The following FBXO2 variants were observed in gnomAD, a reference collection of about 807,000 sequenced individuals.
The protein encoded by FBXO2 is F-box protein 2, also known as F-box only protein 2.
A neutral mutation model predicts 38.6 loss-of-function variants in FBXO2; 32 were observed. The observed-to-expected ratio is 0.83, with a 90% CI of 0.62 to 1.11. FBXO2 has a LOEUF of 1.11. FBXO2 is among the 50% of genes most tolerant of loss of function. The probability of loss-of-function intolerance (pLI) is 0.00; values close to 1 mark genes in which losing one functional copy is unlikely to be tolerated. For missense variants in FBXO2, 450 were observed against 418.3 expected, an observed-to-expected ratio of 1.08 and a Z score of -0.66; for synonymous variants, 189 against 182.9, an observed-to-expected ratio of 1.03 and a Z score of -0.27.
intron 5 of FBXO2, 22 bp downstream of exon 5, chr1:11,649,065 G>A (rs768455167): frequency 6.3e-5 from 95 of 1,517,096 alleles, no homozygotes; most frequent in Middle Eastern, 1.9e-4. Context: ...CCACCCCTCC[G>A]CCCTGGGTCC....
chr1:11,649,914 C>G (rs769717214), intron 3 of FBXO2, 31 bp downstream of exon 3: 3 of 1,613,842 alleles, frequency 1.9e-6, no homozygotes, highest in Non-Finnish European at 2.5e-6. Flanking sequence ...ACGCTCCCCC[C>G]TTCCCACCTC....
At position 11,648,642 on chromosome 1, in the gene FBXO2, C is replaced by T. The variant is rs775867348; in HGVS notation, c.*52G>A. On this transcript the variant is annotated 3_prime_UTR_variant, in exon 6 of 6. Coordinates refer to ENST00000354287, the MANE Select transcript of FBXO2 (RefSeq NM_012168.6). This position sits in a 1 kb window ranked among gnomAD's most constrained non-coding sequence, Gnocchi z 4.2. ...TATGGACTAAGTTAAGGCCTATCTA[C>T]CCTCGACCTTTGCCCCTCCAGGCAG... The T allele has an allele frequency of 2.5e-6, 4 of 1,603,396 alleles. No individual in the cohort carries two copies. Among genetic ancestry groups the T allele is most frequent in the South Asian group, 2.2e-5 (2 of 90,622 alleles).
rs987764960 is a variant in FBXO2 at position 11,654,268 on chromosome 1, C to T, written c.22+51G>A. ...CGCCCCTCTGTGCAGCGCTCGCCCG[C>T]CGACCCCATCTCCCCTCCCCGCCGC... On this transcript the variant is annotated intron_variant, in intron 1 of 5. Transcript: ENST00000354287. 34 of 1,486,658 alleles carry T rather than the reference C, an allele frequency of 2.3e-5. No homozygotes were observed. In the Admixed American group the frequency reaches 6.0e-4, roughly 26 times the overall value. The allele number at this position is 1,486,658 out of a possible 1,614,324, so 92.1% of individuals were successfully genotyped here.
At chr1:11,649,626 C>T in intron 4 of FBXO2, 153 bp downstream of exon 4, 2 of 701,154 alleles carry the variant, frequency 2.9e-6, no homozygotes, top group Non-Finnish European at 4.8e-6. Flanking sequence ...CCTGCAAACA[C>T]GGAAGTTGTC....
rs1293594236 is a variant in FBXO2 at position 11,648,927 on chromosome 1, T to C, written c.757-99A>G. On this transcript the variant is annotated intron_variant, in intron 5 of 5. Coordinates refer to ENST00000354287, the MANE Select transcript of FBXO2 (RefSeq NM_012168.6). The surrounding 1 kb of genome is among the most constrained non-coding windows in gnomAD (Gnocchi z 4.2). ...ACCGACCTGCAGCTCCCCCACTCGGTTTCTCCGCGGTATTCAGAACTCTCT... is the reference window on the plus strand; with the variant it reads ...ACCGACCTGCAGCTCCCCCACTCGGCTTCTCCGCGGTATTCAGAACTCTCT... The C allele has an allele frequency of 3.2e-6, 5 of 1,549,000 alleles. No individual in the cohort carries two copies. In the African/African-American group the frequency reaches 6.8e-5, roughly 21 times the overall value.
chr1:11,649,340 C>T, intron 4 of FBXO2, 115 bp from the exon 5 acceptor site: 2 of 871,868 alleles, frequency 2.3e-6, no homozygotes, highest in South Asian at 3.4e-5. Flanking sequence ...CCTGTGCGCC[C>T]AACATCCCTG....
intron 2 of FBXO2, 63 bp downstream of exon 2, chr1:11,650,403 C>A: frequency 6.4e-7 from 1 of 1,551,496 alleles, no homozygotes; most frequent in East Asian, 2.4e-5. Context: ...CAAAGCCAGG[C>A]GGCGCCGTTT....
chr1:11,649,999 C>T lies in FBXO2; in HGVS notation c.467G>A (p.Gly156Glu), dbSNP rs555482684. The change falls in exon 3 of 6, where the codon GGG becomes GAG. Residue 156 changes from glycine to glutamate, a missense_variant. Physicochemically the swap from Gly to Glu is moderately conservative, Grantham distance 98. Transcript: ENST00000354287. ...GCTCTCATCGTGGGTGAACTCCACC[C>T]CACTGTCTCCAGGCAGCTCCTCCAC... ...WRVEELPGDS[G>E]VEFTHDESVK... 5.6e-6 allele frequency: 9 copies of T among 1,614,060 alleles called. No homozygotes were observed. In the African/African-American group the frequency reaches 1.2e-4, roughly 22 times the overall value.
At position 11,649,214 on chromosome 1, in the gene FBXO2, C is replaced by A. The variant is rs367827521; in HGVS notation, c.629G>T (p.Arg210Leu). 13 of 1,362,428 alleles carry A rather than the reference C, an allele frequency of 9.5e-6. No homozygotes were observed. In the African/African-American group the frequency reaches 1.1e-4, roughly 11 times the overall value. 84.4% of individuals were successfully genotyped at this position (1,362,428 alleles called of 1,614,324 possible). A position where few individuals can be genotyped will look rare whatever the true frequency, so the allele number is the denominator to read the frequency against. The change falls in exon 5 of 6, where the codon CGC becomes CTC. Residue 210 changes from arginine (R) to leucine (L), a missense_variant. Transcript: ENST00000354287. ...CTCGTAGAGGCAACCAGCGTCGCTG[C>A]GGCCCGAGTACCTGCTCAGAGGGAG... Reference protein sequence around the residue: ...AIVVKDWYSGRSDAGCLYELT... With the variant: ...AIVVKDWYSGLSDAGCLYELT...
At position 11,650,760 on chromosome 1, in the gene FBXO2, C is replaced by CCGGCCGCT; in HGVS notation, c.89_96dup (p.Glu33SerfsTer87). 6.5e-7 allele frequency: 1 copy of CCGGCCGCT among 1,532,502 alleles called. No homozygotes were observed. The allele number at this position is 1,532,502 out of a possible 1,614,324, so 94.9% of individuals were successfully genotyped here. ...GCCGCCTCCTCCTCCTGCTGGTCCTCCGGCCGCTCCTCCTCAGCACTCGCC... is the reference window on the plus strand; with the variant it reads ...GCCGCCTCCTCCTCCTGCTGGTCCTCCGGCCGCTCGGCCGCTCCTCCTCAGCACTCGCC... On this transcript the variant is annotated frameshift_variant, in exon 2 of 6. Coordinates refer to ENST00000354287, the MANE Select transcript of FBXO2 (RefSeq NM_012168.6). LOFTEE classifies it high-confidence loss of function.
rs914162763 is a variant in FBXO2, at chr1:11,650,072, C to T, written c.394G>A (p.Asp132Asn). ...NLLRNPCGEE[D>N]LEGWCDVEHG... ...TCCACGTCACACCAGCCTTCCAAGT[C>T]CTCTGTAGGGACACGACAGCCCCAC... The change falls in exon 3 of 6, where the codon GAC becomes AAC. Residue 132 changes from aspartate to asparagine, a missense_variant and splice_region_variant. Coordinates refer to ENST00000354287, the MANE Select transcript of FBXO2 (RefSeq NM_012168.6). 3 of 1,614,046 alleles carry T rather than the reference C, an allele frequency of 1.9e-6. No individual in the cohort carries two copies. The highest frequency in any genetic ancestry group is 1.3e-5 in the African/African-American group (1 of 75,050).
rs1570220479 is a variant in FBXO2 at position 11,650,825 on chromosome 1, C to G, written c.32G>C (p.Gly11Ala). The change falls in exon 2 of 6, where the codon GGC (glycine) becomes GCC (alanine). Residue 11 changes from glycine to alanine, a missense_variant. Transcript: ENST00000354287. Reference protein sequence around the residue: MDGDGDPESVGQPEEASPEEQ... With the variant: MDGDGDPESVAQPEEASPEEQ... ...CTCCGGGCTTGCCTCCTCGGGCTGG[C>G]CCACGCTCTCTGCAGGCAGGGATGG... is the stretch of plus-strand genomic sequence containing the variant. The G allele has an allele frequency of 1.3e-6, 2 of 1,550,244 alleles. No individual in the cohort carries two copies. The highest frequency in any genetic ancestry group is 1.7e-6 in the Non-Finnish European group (2 of 1,153,744).
intron 2 of FBXO2, 80 bp from the exon 3 acceptor site, chr1:11,650,154 G>A: frequency 6.3e-7 from 1 of 1,578,268 alleles, no homozygotes. Flanking sequence ...TGGGGGGCAG[G>A]GCAAAGGTCG....
At chr1:11,649,558 A>C in intron 4 of FBXO2, 1 of 595,868 alleles carries the variant, frequency 1.7e-6, no homozygotes, top group Non-Finnish European at 3.0e-6. Context: ...AAACATATAT[A>C]TGTGCATATA....
In FBXO2 at chr1:11,652,926, T is replaced by C. The variant is rs1171860924; in HGVS notation, c.22+1393A>G. ...GTCAATCTTACTGAGTGAACCTCAT[T>C]GAACACAGCACTTCTCCTTCCTTAT... On this transcript the variant is annotated intron_variant, in intron 1 of 5. Coordinates refer to ENST00000354287, the MANE Select transcript of FBXO2 (RefSeq NM_012168.6). Among the ~76,000 whole-genome samples the C allele has an allele frequency of 2.0e-5, 3 of 152,326 alleles. No homozygotes were observed. The East Asian group carries it at 5.8e-4, about 29-fold the overall frequency.
Position 11,648,986 on chromosome 1 carries a change from C to T in FBXO2, c.756+101G>A. On this transcript the variant is annotated intron_variant, in intron 5 of 5. Transcript: ENST00000354287. The surrounding 1 kb of genome is among the most constrained non-coding windows in gnomAD (Gnocchi z 4.2). ...CGGTGACTATCTCAGCCCAGCCCAG[C>T]CCAGCCCACCCCAGCCCAGGAGCGC... 1 of 1,409,712 alleles carries T rather than the reference C, an allele frequency of 7.1e-7. No individual in the cohort carries two copies. Among genetic ancestry groups the T allele is most frequent in the Non-Finnish European group, 9.7e-7 (1 of 1,035,886 alleles). 87.3% of individuals were successfully genotyped at this position (1,409,712 alleles called of 1,614,324 possible).
rs367676127 is a variant in FBXO2, at chr1:11,648,907, C to A, written c.757-79G>T. 2 of 1,574,016 alleles carry A rather than the reference C, an allele frequency of 1.3e-6. No homozygotes were observed. Among genetic ancestry groups the A allele is most frequent in the Admixed American group, 1.7e-5 (1 of 58,428 alleles). On this transcript the variant is annotated intron_variant, in intron 5 of 5. Transcript: ENST00000354287. This position sits in a 1 kb window ranked among gnomAD's most constrained non-coding sequence, Gnocchi z 4.2. Reference sequence around the variant, plus strand: ...CGCCCCACCCCGGTACACCGACCGACCTGCAGCTCCCCCACTCGGTTTCTC... The same window carrying A: ...CGCCCCACCCCGGTACACCGACCGAACTGCAGCTCCCCCACTCGGTTTCTC...
chr1:11,649,116 G>T lies in FBXO2; in HGVS notation c.727C>A (p.Gln243Lys). Reference protein sequence around the residue: ...EFSSGQVAVPQDSDGGGWMEI... With the variant: ...EFSSGQVAVPKDSDGGGWMEI... ...ATCCAGCCCCCGCCGTCACTGTCTT[G>T]GGGCACTGCCACCTGCCCGCTGCTG... is the stretch of plus-strand genomic sequence containing the variant. The change falls in exon 5 of 6, where the codon CAA (glutamine) becomes AAA (lysine). Residue 243 changes from glutamine to lysine, a missense_variant. Transcript: ENST00000354287. 6.3e-7 allele frequency: 1 copy of T among 1,599,070 alleles called. No individual in the cohort carries two copies.
intron 3 of FBXO2, 32 bp downstream of exon 3, chr1:11,649,913 C>A (rs370488072): frequency 1.4e-5 from 22 of 1,613,958 alleles, no homozygotes; most frequent in Middle Eastern, 1.7e-4. Context: ...AACGCTCCCC[C>A]CTTCCCACCT....
Sources: gnomAD v4.1 joint callset for allele counts (sites outside exome capture counted in the v4.1 genomes callset) on GRCh38, gnomAD v4.1.1 for gene constraint, Gnocchi (gnomAD v3.1) non-coding constraint, MANE v1.5 for transcripts, NCBI Gene and HGNC (gene_info 2026-07-23, HGNC 2026-07-21) for gene names.